Variants in ERBB2 observed in about 807,000 individuals in gnomAD.
ERBB2 encodes receptor tyrosine-protein kinase erbB-2.
A neutral mutation model predicts 149.0 loss-of-function variants in ERBB2; 61 were observed. The ratio of observed to expected loss-of-function variants is 0.41; its 90% CI spans 0.33 to 0.51. The LOEUF is 0.51. ERBB2 is among the 20% of genes least tolerant of loss of function. The pLI, the probability that ERBB2 is intolerant of heterozygous loss-of-function variation, is 0.25. For synonymous variants in ERBB2, 633 were observed against 678.8 expected (o/e 0.93, Z 1.05); for missense variants, 1,205 against 1,655.1 (o/e 0.73, Z 4.72).
In ERBB2 at chr17:39,727,526, C is replaced by A. The variant is rs2143259272; in HGVS notation, c.3391C>A (p.Leu1131Met). Reference protein sequence around the residue: ...PSETDGYVAPLTCSPQPEYVN... With the variant: ...PSETDGYVAPMTCSPQPEYVN... Reference sequence around the variant, plus strand: ...TGAGACTGATGGCTACGTTGCCCCCCTGACCTGCAGCCCCCAGCCTGGTAT... The same window carrying A: ...TGAGACTGATGGCTACGTTGCCCCCATGACCTGCAGCCCCCAGCCTGGTAT... Residue 1131 changes from leucine (L) to methionine (M), a missense_variant, in exon 26 of 27, where the codon CTG (leucine) becomes ATG (methionine). Around this residue, in one of 6 missense-constraint regions of ERBB2, gnomAD observed 312 missense variants for 343.8 expected, o/e 0.91. Transcript: ENST00000269571. The surrounding 1 kb of genome is among the most constrained non-coding windows in gnomAD (Gnocchi z 4.3). 1 of 1,604,164 alleles carries A rather than the reference C, an allele frequency of 6.2e-7. No individual in the cohort carries two copies. The highest frequency in any genetic ancestry group is 8.5e-7 in the Non-Finnish European group (1 of 1,177,322).
At chr17:39,710,587 T>C in intron 7 of ERBB2, 106 bp downstream of exon 7, 1 of 1,306,446 alleles carries the variant, frequency 7.7e-7, no homozygotes, top group Admixed American at 1.9e-5. Flanking sequence ...TGAGAGCTGG[T>C]CATGACAGTT....
Position 39,726,543 on chromosome 17 carries a change from G to C in ERBB2, c.2873-19G>C, listed in dbSNP as rs2143127999. 6.2e-7 allele frequency: 1 copy of C among 1,608,774 alleles called. No individual in the cohort carries two copies. Among genetic ancestry groups the C allele is most frequent in the Non-Finnish European group, 8.5e-7 (1 of 1,175,204 alleles). Reference sequence around the variant, plus strand: ...ACACAGGGCCTGGGACTAGCATGCTGACCTCCCTCCTGCCCCAGGTTGGAT... The same window carrying C: ...ACACAGGGCCTGGGACTAGCATGCTCACCTCCCTCCTGCCCCAGGTTGGAT... On this transcript the variant is annotated intron_variant, in intron 23 of 26. Coordinates refer to ENST00000269571, the MANE Select transcript of ERBB2 (RefSeq NM_004448.4). The surrounding 1 kb of genome is among the most constrained non-coding windows in gnomAD (Gnocchi z 5.1).
rs2145852978 is a variant in ERBB2, at chr17:39,724,872, C to T, written c.2454C>T (p.Gly818=). 1.2e-6 allele frequency: 2 copies of T among 1,614,218 alleles called. No homozygotes were observed. The highest frequency in any genetic ancestry group is 1.7e-6 in the Non-Finnish European group (2 of 1,180,030). ...DHVRENRGRL[G]SQDLLNWCMQ... is the part of the protein sequence containing the mutation. ...TCCGGGAAAACCGCGGACGCCTGGG[C>T]TCCCAGGACCTGCTGAACTGGTGTA... The change falls in exon 20 of 27, where the codon GGC becomes GGT. Residue 818 remains glycine, a synonymous_variant. Transcript: ENST00000269571.
intron 1 of ERBB2, among the ~76,000 whole-genome samples, chr17:39,703,603 G>C (rs1213354531): frequency 6.6e-6 from 1 of 152,260 alleles, no homozygotes; most frequent in Non-Finnish European, 1.5e-5. Flanking sequence ...GCCAAGTTTA[G>C]GTCAGTAAAT....
At chr17:39,699,988 A>T (rs1337479518), upstream of ERBB2, 8 of 1,265,656 alleles carry the variant, frequency 6.3e-6, no homozygotes, top group Non-Finnish European at 7.9e-6. Context: ...GCTTGCTCCC[A>T]ATCACAGGAG....
chr17:39,727,413 G>A lies in ERBB2; in HGVS notation c.3278G>A (p.Gly1093Glu), dbSNP rs771588633. The change falls in exon 26 of 27, where the codon GGG becomes GAG. Residue 1093 changes from glycine (G) to glutamate (E), a missense_variant. Transcript: ENST00000269571. This position sits in a 1 kb window ranked among gnomAD's most constrained non-coding sequence, Gnocchi z 4.3. Reference sequence around the variant, plus strand: ...GTATTTGATGGTGACCTGGGAATGGGGGCAGCCAAGGGGCTGCAAAGCCTC... The same window carrying A: ...GTATTTGATGGTGACCTGGGAATGGAGGCAGCCAAGGGGCTGCAAAGCCTC... ...SDVFDGDLGM[G>E]AAKGLQSLPT... 1.2e-6 allele frequency: 2 copies of A among 1,611,108 alleles called. No homozygotes were observed. The highest frequency in any genetic ancestry group is 2.2e-5 in the East Asian group (1 of 44,818).
In ERBB2 at chr17:39,728,348, G is replaced by T; in HGVS notation, c.*304G>T. The T allele has an allele frequency of 3.2e-6, 1 of 310,832 alleles. No homozygotes were observed. Among genetic ancestry groups the T allele is most frequent in the Non-Finnish European group, 6.0e-6 (1 of 167,350 alleles). 19.3% of individuals were successfully genotyped at this position (310,832 alleles called of 1,614,324 possible). On this transcript the variant is annotated 3_prime_UTR_variant, in exon 27 of 27. Coordinates refer to ENST00000269571, the MANE Select transcript of ERBB2 (RefSeq NM_004448.4). ...TTGGCCCTTTCCTTCCAGATCCTGG[G>T]TACTGAAAGCCTTAGGGAAGCTGGC...
chr17:39,696,072 G>A (rs986776725), upstream of ERBB2, among the ~76,000 whole-genome samples: 13 of 149,024 alleles, frequency 8.7e-5, no homozygotes, highest in Non-Finnish European at 1.5e-4. Flanking sequence ...GGTCCCCCTC[G>A]CTGTCTTTGT....
intron 9 of ERBB2, 71 bp from the exon 10 acceptor site, chr17:39,715,214 TG>T: frequency 7.7e-7 from 1 of 1,292,036 alleles, no homozygotes; most frequent in Non-Finnish European, 1.1e-6. Flanking sequence ...GGGGAGTGGC[TG>T]GCATGGCCAG....
intron 15 of ERBB2, among the ~76,000 whole-genome samples, chr17:39,718,626 C>G (rs1439663120): frequency 6.6e-6 from 1 of 151,950 alleles, no homozygotes; most frequent in Non-Finnish European, 1.5e-5. Flanking sequence ...AGCGAGACCC[C>G]GTCTCTACTA....
chr17:39,703,183 G>A (rs1490874520), intron 1 of ERBB2: 3 of 152,276 alleles, frequency 2.0e-5, no homozygotes, highest in Non-Finnish European at 4.4e-5. Context: ...GGGGACAGAG[G>A]CCACGTTGAC....
chr17:39,715,811 G>A lies in ERBB2; in HGVS notation c.1385G>A (p.Gly462Asp), dbSNP rs373192991. Reference protein sequence around the residue: ...WLGLRSLRELGSGLALIHHNT... With the variant: ...WLGLRSLRELDSGLALIHHNT... ...GGGCTGCGCTCACTGAGGGAACTGG[G>A]CAGTGGACTGGCCCTCATCCACCAT... The change falls in exon 12 of 27, where the codon GGC becomes GAC. Residue 462 changes from glycine (G) to aspartate (D), a missense_variant. Gly to Asp is a moderately conservative substitution (Grantham distance 94). Transcript: ENST00000269571. 5.0e-6 allele frequency: 8 copies of A among 1,610,766 alleles called. No individual in the cohort carries two copies. The African/African-American group carries it at 8.0e-5, about 16-fold the overall frequency.
In ERBB2 at chr17:39,723,700, G is replaced by A. The variant is rs763167832; in HGVS notation, c.2208+40G>A. 5 of 1,582,528 alleles carry A rather than the reference G, an allele frequency of 3.2e-6. No homozygotes were observed. In the Admixed American group the frequency reaches 9.1e-5, roughly 29 times the overall value. Reference sequence around the variant, plus strand: ...CTGGGGTGGGCGGCCCCAGAGGATGGGGGCGGTGCCTGGAGGGGTGTGGTC... The same window carrying A: ...CTGGGGTGGGCGGCCCCAGAGGATGAGGGCGGTGCCTGGAGGGGTGTGGTC... On this transcript the variant is annotated intron_variant, in intron 18 of 26. Coordinates refer to ENST00000269571, the MANE Select transcript of ERBB2 (RefSeq NM_004448.4). The surrounding 1 kb of genome is among the most constrained non-coding windows in gnomAD (Gnocchi z 6.2).
chr17:39,698,361 G>C (rs959727175), upstream of ERBB2, among the ~76,000 whole-genome samples: 1 of 151,330 alleles, frequency 6.6e-6, no homozygotes, highest in Non-Finnish European at 1.5e-5. Context: ...CCAGGTTCAC[G>C]CCATTCTCCT....
Position 39,726,415 on chromosome 17 carries a change from CCA to C in ERBB2, c.2873-146_2873-145del. On this transcript the variant is annotated intron_variant, in intron 23 of 26. Transcript: ENST00000269571. This position sits in a 1 kb window ranked among gnomAD's most constrained non-coding sequence, Gnocchi z 5.1. ...ATGCCAAAGGTTCTGGCTGAAGACC[CCA>C]GAGTCTGGTGCTACTTCTCTACCAC... The C allele has an allele frequency of 1.5e-6, 1 of 663,352 alleles. No homozygotes were observed. Among genetic ancestry groups the C allele is most frequent in the Non-Finnish European group, 2.8e-6 (1 of 362,888 alleles). The allele number at this position is 663,352 out of a possible 1,614,324, so 41.1% of individuals were successfully genotyped here.
At chr17:39,694,258 T>TACAA (rs1567888084), upstream of ERBB2, among the ~76,000 whole-genome samples, 1 of 19,044 alleles carries the variant, frequency 5.3e-5, no homozygotes, top group Non-Finnish European at 1.6e-4. Flanking sequence ...TATATATATA[T>TACAA]ATATATATAT....
At chr17:39,702,914 G>T (rs2058194803) in intron 1 of ERBB2, among the ~76,000 whole-genome samples, 1 of 152,242 alleles carries the variant, frequency 6.6e-6, no homozygotes, top group Admixed American at 6.5e-5. Context: ...GGCATTAAGA[G>T]GTGGTTAGAG....
rs2145706030 is a variant in ERBB2, at chr17:39,717,324, C to G, written c.1742C>G (p.Ala581Gly). 2 of 1,607,958 alleles carry G rather than the reference C, an allele frequency of 1.2e-6. No individual in the cohort carries two copies. The highest frequency in any genetic ancestry group is 1.7e-6 in the Non-Finnish European group (2 of 1,177,222). ...AATCTTTTCTGCCCCCCCCAGGAGG[C>G]TGACCAGTGTGTGGCCTGTGCCCAC... The part of the protein sequence containing the change: ...NGSVTCFGPE[A>G]DQCVACAHYK... Residue 581 changes from alanine to glycine, a missense_variant, in exon 15 of 27, where the codon GCT (alanine) becomes GGT (glycine). Coordinates refer to ENST00000269571, the MANE Select transcript of ERBB2 (RefSeq NM_004448.4).
chr17:39,708,370 G>C lies in ERBB2; in HGVS notation c.275G>C (p.Arg92Thr), dbSNP rs2058587699. The C allele has an allele frequency of 1.2e-6, 2 of 1,614,182 alleles. No homozygotes were observed. The highest frequency in any genetic ancestry group is 8.5e-7 in the Non-Finnish European group (1 of 1,180,034). The change falls in exon 3 of 27, where the codon AGG (arginine) becomes ACG (threonine). Residue 92 changes from arginine (R) to threonine (T), a missense_variant. Physicochemically the swap from Arg to Thr is moderately conservative, Grantham distance 71. Coordinates refer to ENST00000269571, the MANE Select transcript of ERBB2 (RefSeq NM_004448.4). The part of the protein sequence containing the change: ...GYVLIAHNQV[R>T]QVPLQRLRIV... Reference sequence around the variant, plus strand: ...GTGCTCATCGCTCACAACCAAGTGAGGCAGGTCCCACTGCAGAGGCTGCGG... The same window carrying C: ...GTGCTCATCGCTCACAACCAAGTGACGCAGGTCCCACTGCAGAGGCTGCGG...
Sources: allele counts gnomAD v4.1 joint callset (sites outside exome capture counted in the v4.1 genomes callset), GRCh38; gene constraint gnomAD v4.1.1; regional missense constraint gnomAD v4.1.1; non-coding constraint Gnocchi (gnomAD v3.1); transcripts MANE v1.5; gene names NCBI Gene and HGNC (gene_info 2026-07-23, HGNC 2026-07-21).